The following B3GALT1 variants were observed in gnomAD, a reference collection of about 807,000 sequenced individuals.
The protein encoded by B3GALT1 is UDP-Gal:betaGlcNAc beta 1,3-galactosyltransferase, polypeptide 1.
B3GALT1 carries 10 observed loss-of-function variants against 23.2 expected under a neutral mutation model. That is an observed-to-expected ratio of 0.43 (90% confidence interval 0.27 to 0.73). The LOEUF (loss-of-function observed/expected upper bound fraction) is 0.73. Among genes scored for constraint, B3GALT1 ranks in the 30% least tolerant of loss-of-function variants. The pLI is 0.21. For missense variants in B3GALT1, 299 were observed against 405.4 expected, an observed-to-expected ratio of 0.74 and a Z score of 2.25; for synonymous variants, 156 against 141.5, an observed-to-expected ratio of 1.10 and a Z score of -0.73.
intron 2 of B3GALT1, among the ~76,000 whole-genome samples, chr2:167,588,757 C>T (rs888199295): frequency 8.6e-5 from 13 of 151,452 alleles, no homozygotes; most frequent in Non-Finnish European, 1.3e-4. Flanking sequence ...TGTCTATATA[C>T]GTATATCCAA....
At chr2:167,521,841 A>G (rs1373289977) in intron 2 of B3GALT1, among the ~76,000 whole-genome samples, 1 of 151,708 alleles carries the variant, frequency 6.6e-6, no homozygotes, top group African/African-American at 2.4e-5. Context: ...GGTAAAAGAC[A>G]TATCATTCAT....
At chr2:167,565,792 C>T (rs1414246696) in intron 2 of B3GALT1, among the ~76,000 whole-genome samples, 1 of 152,070 alleles carries the variant, frequency 6.6e-6, no homozygotes, top group Non-Finnish European at 1.5e-5. Context: ...AAATCAAAAC[C>T]ACAATGAGAT....
At chr2:167,839,619 A>G (rs1243726818) in intron 4 of B3GALT1, among the ~76,000 whole-genome samples, 2 of 152,402 alleles carry the variant, frequency 1.3e-5, no homozygotes, top group African/African-American at 4.8e-5. Flanking sequence ...TAATTTTTAG[A>G]TTCAATGCCA....
intron 1 of B3GALT1, among the ~76,000 whole-genome samples, chr2:167,475,069 G>A (rs932086990): frequency 6.6e-6 from 1 of 152,102 alleles, no homozygotes; most frequent in African/African-American, 2.4e-5. Flanking sequence ...CCCTCTATTA[G>A]CAATTTTGCT....
chr2:167,597,019 T>C (rs1684784915), intron 2 of B3GALT1, among the ~76,000 whole-genome samples: 1 of 152,100 alleles, frequency 6.6e-6, no homozygotes, highest in African/African-American at 2.4e-5. Context: ...AATTAGTGAG[T>C]GGCAGAGCAA....
chr2:167,711,769 A>G (rs1266946177), intron 3 of B3GALT1, among the ~76,000 whole-genome samples: 1 of 152,188 alleles, frequency 6.6e-6, no homozygotes. Flanking sequence ...ATTTGAGACC[A>G]GCCTGGGCAA....
chr2:167,699,454 T>C (rs911475861), intron 3 of B3GALT1, among the ~76,000 whole-genome samples: 8 of 141,824 alleles, frequency 5.6e-5, no homozygotes, highest in Non-Finnish European at 1.2e-4. Flanking sequence ...CATTACATAC[T>C]CTCCTTTAGT....
intron 3 of B3GALT1, among the ~76,000 whole-genome samples, chr2:167,663,110 TC>T (rs1362890729): frequency 3.0e-5 from 2 of 65,864 alleles, no homozygotes; most frequent in South Asian, 6.9e-4. Context: ...CCCTCCCCCC[TC>T]CCCCCACCCC....
chr2:167,567,342 C>A (rs1487231724), intron 2 of B3GALT1, among the ~76,000 whole-genome samples: 1 of 151,952 alleles, frequency 6.6e-6, no homozygotes, highest in African/African-American at 2.4e-5. Flanking sequence ...TAGGAGTTGT[C>A]TTTTATTATG....
intron 1 of B3GALT1, among the ~76,000 whole-genome samples, chr2:167,457,242 G>A (rs756501707): frequency 5.3e-5 from 8 of 151,802 alleles, no homozygotes; most frequent in African/African-American, 1.2e-4. Flanking sequence ...GCGCGATCTC[G>A]GCTCACTGCA....
At chr2:167,619,990 CAA>C (rs1263378088) in intron 2 of B3GALT1, among the ~76,000 whole-genome samples, 4 of 152,150 alleles carry the variant, frequency 2.6e-5, no homozygotes, top group East Asian at 3.9e-4. Context: ...TTAAAAAGCT[CAA>C]AGAGGATCTT....
chr2:167,547,700 A>AAAAAAAAAAAAAAAAAAAAAAAAG (rs1558900508), intron 2 of B3GALT1, among the ~76,000 whole-genome samples: 25 of 151,312 alleles, frequency 1.7e-4, no homozygotes, highest in African/African-American at 5.6e-4. Context: ...TCTCAAAAAA[A>AAAAAAAAAAAAAAAAAAAAAAAAG]AAAAAAAAAA....
At chr2:167,377,263 A>G (rs1199096240) in intron 1 of B3GALT1, among the ~76,000 whole-genome samples, 3 of 151,964 alleles carry the variant, frequency 2.0e-5, no homozygotes, top group African/African-American at 7.3e-5. Flanking sequence ...AGTATGTGGT[A>G]GATCTTGGAG....
At chr2:167,464,561 G>C (rs1699316292) in intron 1 of B3GALT1, among the ~76,000 whole-genome samples, 1 of 152,154 alleles carries the variant, frequency 6.6e-6, no homozygotes, top group Non-Finnish European at 1.5e-5. Flanking sequence ...CCAATATAAA[G>C]TAGAGCGAGG....
intron 3 of B3GALT1, among the ~76,000 whole-genome samples, chr2:167,765,920 C>CCAT (rs1432309170): frequency 6.6e-6 from 1 of 152,178 alleles, no homozygotes; most frequent in African/African-American, 2.4e-5. Flanking sequence ...AACTCTGTTG[C>CCAT]CATCTATTAA....
intron 1 of B3GALT1, among the ~76,000 whole-genome samples, chr2:167,414,122 A>G (rs182310304): frequency 5.9e-5 from 9 of 152,282 alleles, no homozygotes; most frequent in Admixed American, 5.2e-4. Context: ...GGCCTTAATA[A>G]GGAAATGGAG....
chr2:167,615,749 A>G (rs1329083681), intron 2 of B3GALT1, among the ~76,000 whole-genome samples: 1 of 151,466 alleles, frequency 6.6e-6, no homozygotes, highest in East Asian at 2.1e-4. Context: ...GGTCTTATGT[A>G]GTGTTTAGCA....
Position 167,429,040 on chromosome 2 carries a change from G to T in B3GALT1, c.-510-61137G>T, listed in dbSNP as rs374316565. Among the ~76,000 whole-genome samples, 4 of 152,244 alleles carry T rather than the reference G, an allele frequency of 2.6e-5. No homozygotes were observed. The East Asian group carries it at 7.7e-4, about 29-fold the overall frequency. On this transcript the variant is annotated intron_variant, in intron 1 of 4. Coordinates refer to ENST00000392690, the MANE Select transcript of B3GALT1 (RefSeq NM_020981.4). The stretch of plus-strand genomic sequence containing the variant: ...CACGCCTGTAATCCCAGCACTTTGG[G>T]AGGCTGAGGCAGGCGGATCACGAGG...
intron 4 of B3GALT1, among the ~76,000 whole-genome samples, chr2:167,844,225 A>G (rs571409392): frequency 1.3e-4 from 20 of 152,358 alleles, no homozygotes; most frequent in African/African-American, 4.6e-4. Context: ...ATGTAAGAGG[A>G]GGCAAGGATC....
Sources: gnomAD v4.1 joint callset for allele counts (sites outside exome capture counted in the v4.1 genomes callset) on GRCh38, gnomAD v4.1.1 for gene constraint, MANE v1.5 for transcripts, NCBI Gene and HGNC (gene_info 2026-07-23, HGNC 2026-07-21) for gene names.